NRXN1: variants seen among roughly 807,000 people sequenced by gnomAD.
NRXN1 encodes neurexin-1.
Under a neutral mutation model 150.9 loss-of-function variants are expected in NRXN1, and 39 were observed. The observed-to-expected ratio is 0.26, with a 90% CI of 0.20 to 0.34. The LOEUF is 0.34. Ranked by LOEUF, NRXN1 falls within the 10% of genes least tolerant of loss-of-function variation. The pLI, the probability that NRXN1 is intolerant of heterozygous loss-of-function variation, is 1.00. For missense variants in NRXN1, 1,815 were observed against 1,949.9 expected, an observed-to-expected ratio of 0.93 and a Z score of 1.30; for synonymous variants, 924 against 757.0, an observed-to-expected ratio of 1.22 and a Z score of -3.62.
intron 2 of NRXN1, among the ~76,000 whole-genome samples, chr2:50,991,243 A>G (rs1698497266): frequency 6.6e-6 from 1 of 152,038 alleles, no homozygotes; most frequent in South Asian, 2.1e-4. Context: ...TTATAATAAG[A>G]CAAACCAAAA....
chr2:50,902,657 T>C (rs58051746), intron 5 of NRXN1, among the ~76,000 whole-genome samples: 7,737 of 152,228 alleles, frequency 0.051, 388 homozygotes, highest in East Asian at 0.28. Context: ...TAAAAACCCA[T>C]GCATGGTGTA....
At chr2:50,203,721 T>G (rs917124166) in intron 18 of NRXN1, among the ~76,000 whole-genome samples, 1 of 152,194 alleles carries the variant, frequency 6.6e-6, no homozygotes, top group Non-Finnish European at 1.5e-5. Context: ...ATATGCCCTA[T>G]TATTTGTGTT....
chr2:50,763,034 G>A (rs76627443), intron 5 of NRXN1, among the ~76,000 whole-genome samples: 36 of 151,724 alleles, frequency 2.4e-4, no homozygotes, highest in Admixed American at 7.9e-4. Flanking sequence ...CCCTCTTCAC[G>A]TATCACCTCC....
intron 9 of NRXN1, chr2:50,547,524 C>G (rs2093522025): frequency 6.6e-6 from 1 of 152,210 alleles, no homozygotes; most frequent in East Asian, 1.9e-4. Flanking sequence ...AAGGGGAAGT[C>G]TGGAAAGAGA....
At chr2:49,966,297 T>G (rs1397689813) in intron 21 of NRXN1, among the ~76,000 whole-genome samples, 5 of 152,166 alleles carry the variant, frequency 3.3e-5, no homozygotes, top group Non-Finnish European at 7.4e-5. Context: ...GGACTCGAAA[T>G]GAGCATCTGT....
intron 5 of NRXN1, among the ~76,000 whole-genome samples, chr2:50,794,824 G>A (rs896215285): frequency 6.6e-6 from 1 of 152,020 alleles, no homozygotes; most frequent in Non-Finnish European, 1.5e-5. Flanking sequence ...AAAAGCTTAA[G>A]ATATCTTTTT....
chr2:50,355,254 T>C (rs531256296), intron 17 of NRXN1, among the ~76,000 whole-genome samples: 12 of 141,638 alleles, frequency 8.5e-5, no homozygotes, highest in East Asian at 2.2e-4. Context: ...TATATATATA[T>C]ACATATATAT....
At chr2:50,997,952 C>T (rs1002883372) in intron 2 of NRXN1, among the ~76,000 whole-genome samples, 5 of 140,836 alleles carry the variant, frequency 3.6e-5, no homozygotes, top group Non-Finnish European at 7.5e-5. Flanking sequence ...TGATGAGTTC[C>T]GAATGTTTAG....
At chr2:50,997,760 C>A (rs1460484225) in intron 2 of NRXN1, among the ~76,000 whole-genome samples, 1 of 141,678 alleles carries the variant, frequency 7.1e-6, no homozygotes, top group Non-Finnish European at 1.5e-5. Flanking sequence ...CCTCCCGCCT[C>A]CACTTCCCAA....
chr2:50,896,950 G>A (rs565608085), intron 5 of NRXN1, among the ~76,000 whole-genome samples: 39 of 152,170 alleles, frequency 2.6e-4, no homozygotes, highest in Non-Finnish European at 4.3e-4. Context: ...TACAGCCAGC[G>A]CCCTGAGATG....
intron 19 of NRXN1, among the ~76,000 whole-genome samples, chr2:50,063,252 G>A (rs1056046201): frequency 5.3e-5 from 8 of 151,892 alleles, no homozygotes; most frequent in African/African-American, 1.5e-4. Context: ...TTTGAATATC[G>A]ACACCTTTTG....
chr2:50,775,496 T>TA (rs1703505525), intron 5 of NRXN1, among the ~76,000 whole-genome samples: 1 of 152,170 alleles, frequency 6.6e-6, no homozygotes, highest in African/African-American at 2.4e-5. Context: ...AAGCAAATGT[T>TA]AGAGTTTTTA....
chr2:50,627,931 G>GA (rs1005099972), intron 5 of NRXN1, among the ~76,000 whole-genome samples: 56 of 151,328 alleles, frequency 3.7e-4, no homozygotes, highest in African/African-American at 1.1e-3. Flanking sequence ...GAAAAAAAGA[G>GA]AAAAAAAACT....
chr2:50,276,142 A>C (rs936571371), intron 17 of NRXN1, among the ~76,000 whole-genome samples: 2 of 152,056 alleles, frequency 1.3e-5, no homozygotes, highest in African/African-American at 4.8e-5. Flanking sequence ...CAACCACAAC[A>C]AAAAAAGGCT....
intron 21 of NRXN1, among the ~76,000 whole-genome samples, chr2:49,993,482 T>A (rs1307998392): frequency 2.0e-5 from 3 of 152,194 alleles, no homozygotes. Flanking sequence ...TAATAATAGA[T>A]CCATGCCATG....
intron 17 of NRXN1, among the ~76,000 whole-genome samples, chr2:50,252,601 G>A (rs1417781438): frequency 6.6e-6 from 1 of 152,088 alleles, no homozygotes; most frequent in Non-Finnish European, 1.5e-5. Flanking sequence ...TTTGTATAAG[G>A]TGTAAGTACG....
intron 17 of NRXN1, among the ~76,000 whole-genome samples, chr2:50,462,944 G>A (rs2104624320): frequency 6.6e-6 from 1 of 151,804 alleles, no homozygotes. Context: ...TTGTAATGTG[G>A]CATGTTCGTT....
chr2:50,951,317 C>G (rs921721036), intron 2 of NRXN1, among the ~76,000 whole-genome samples: 6 of 152,040 alleles, frequency 3.9e-5, no homozygotes, highest in African/African-American at 1.4e-4. Flanking sequence ...ATGTGCTGAC[C>G]TTTAGTGGGT....
chr2:50,920,029 A>C (rs1282981479), intron 5 of NRXN1: 1 of 387,392 alleles, frequency 2.6e-6, no homozygotes, highest in South Asian at 2.0e-5. Flanking sequence ...AAGACTTACA[A>C]TCACCTTTCT....
Sources: allele counts gnomAD v4.1 joint callset (sites outside exome capture counted in the v4.1 genomes callset), GRCh38; gene constraint gnomAD v4.1.1; transcripts MANE v1.5; gene names NCBI Gene and HGNC (gene_info 2026-07-23, HGNC 2026-07-21).